The following ANO1 variants were observed in gnomAD, a reference collection of about 807,000 sequenced individuals.
ANO1 encodes anoctamin-1.
In ANO1, 59 loss-of-function variants were observed where a neutral mutation model predicts 124.0. That is an observed-to-expected ratio of 0.48 (90% confidence interval 0.39 to 0.59). The LOEUF is 0.59. Ranked by LOEUF, ANO1 falls within the 20% of genes least tolerant of loss-of-function variation. The probability of loss-of-function intolerance (pLI) is 0.00; values close to 1 mark genes in which losing one functional copy is unlikely to be tolerated. For missense variants in ANO1, 1,059 were observed against 1,328.0 expected (o/e 0.80, Z 3.15); for synonymous variants, 529 against 532.0 (o/e 0.99, Z 0.08).
intron 21 of ANO1, among the ~76,000 whole-genome samples, chr11:70,168,514 C>T (rs900611178): frequency 6.6e-6 from 1 of 152,140 alleles, no homozygotes; most frequent in Non-Finnish European, 1.5e-5. Flanking sequence ...CAGCCTCACC[C>T]TCTCTTGTTC....
chr11:70,073,757 A>C (rs1555009656), upstream of ANO1, among the ~76,000 whole-genome samples: 1 of 152,140 alleles, frequency 6.6e-6, no homozygotes, highest in Non-Finnish European at 1.5e-5. Flanking sequence ...TTGTGTTCAC[A>C]AAACACATTA....
At chr11:70,103,309 A>G (rs1322877227) in intron 3 of ANO1, 145 bp downstream of exon 3, 2 of 653,038 alleles carry the variant, frequency 3.1e-6, no homozygotes, top group Non-Finnish European at 5.3e-6. Flanking sequence ...TGCAAAGACC[A>G]TGTGGCTCGA....
intron 1 of ANO1, among the ~76,000 whole-genome samples, chr11:70,008,071 C>A (rs571763433): frequency 1.8e-4 from 27 of 152,108 alleles, no homozygotes; most frequent in Admixed American, 7.9e-4. Flanking sequence ...AGAGAAATGT[C>A]TATTAATTCT....
At chr11:69,994,168 TG>T (rs1298022968) in intron 1 of ANO1, among the ~76,000 whole-genome samples, 1 of 151,824 alleles carries the variant, frequency 6.6e-6, no homozygotes, top group Non-Finnish European at 1.5e-5. Context: ...GCATCACCTC[TG>T]GGGTTCAGGA....
chr11:70,058,908 G>C (rs539928075), intron 1 of ANO1, among the ~76,000 whole-genome samples: 1 of 152,254 alleles, frequency 6.6e-6, no homozygotes, highest in South Asian at 2.1e-4. Context: ...TGTCCGCCGA[G>C]TGCGGTGGCT....
At chr11:70,093,504 G>A (rs940172477) in intron 2 of ANO1, among the ~76,000 whole-genome samples, 3 of 152,204 alleles carry the variant, frequency 2.0e-5, no homozygotes, top group African/African-American at 4.8e-5. Context: ...TGCGGAGAAC[G>A]CCACACACTA....
intron 1 of ANO1, among the ~76,000 whole-genome samples, chr11:70,007,758 T>G (rs1433502272): frequency 6.6e-6 from 1 of 152,188 alleles, no homozygotes; most frequent in Non-Finnish European, 1.5e-5. Flanking sequence ...TTAAATTCCT[T>G]TGGGGAGACA....
chr11:70,183,513 TG>T (rs914123279), intron 24 of ANO1, among the ~76,000 whole-genome samples: 2 of 151,786 alleles, frequency 1.3e-5, no homozygotes, highest in African/African-American at 2.4e-5. Context: ...TCACAGAGAA[TG>T]GGGGGGTCCT....
At chr11:70,186,528 A>G (rs2049135897) in intron 25 of ANO1, among the ~76,000 whole-genome samples, 1 of 152,158 alleles carries the variant, frequency 6.6e-6, no homozygotes, top group Non-Finnish European at 1.5e-5. Flanking sequence ...GCCAGCAGCC[A>G]GGGGACCCAG....
intron 1 of ANO1, among the ~76,000 whole-genome samples, chr11:70,025,635 ATGG>A (rs1293681322): frequency 4.0e-5 from 6 of 150,988 alleles, no homozygotes; most frequent in African/African-American, 1.5e-4. Flanking sequence ...GGTGTTGATG[ATGG>A]TGGTGGTGGT....
At chr11:70,165,441 G>A (rs1270783981) in intron 19 of ANO1, 29 bp from the exon 20 acceptor site, 3 of 1,574,348 alleles carry the variant, frequency 1.9e-6, no homozygotes, top group African/African-American at 1.4e-5. Context: ...TGTCCCTGTA[G>A]CGTGGCTGAT....
At chr11:70,060,645 G>C (rs1017342867) in intron 1 of ANO1, among the ~76,000 whole-genome samples, 2 of 152,230 alleles carry the variant, frequency 1.3e-5, no homozygotes, top group South Asian at 4.1e-4. Flanking sequence ...TGTGAGAACT[G>C]TAAAGGGTAA....
chr11:70,054,917 C>T (rs1241787146), intron 1 of ANO1, among the ~76,000 whole-genome samples: 3 of 152,214 alleles, frequency 2.0e-5, no homozygotes, highest in Non-Finnish European at 4.4e-5. Context: ...GATTTAGCTA[C>T]ATATGATGAT....
At chr11:70,145,816 A>G (rs959414322) in intron 11 of ANO1, among the ~76,000 whole-genome samples, 1 of 152,078 alleles carries the variant, frequency 6.6e-6, no homozygotes, top group Non-Finnish European at 1.5e-5. Flanking sequence ...ATGCACCTGT[A>G]GTCCCAGCTA....
intron 8 of ANO1, among the ~76,000 whole-genome samples, chr11:70,119,365 A>AAAG (rs1333288209): frequency 8.1e-6 from 1 of 122,856 alleles, no homozygotes; most frequent in Non-Finnish European, 1.7e-5. Context: ...TGGGTGGATG[A>AAAG]ATGATGGATG....
At chr11:70,180,995 A>G (rs1028967331) in intron 23 of ANO1, among the ~76,000 whole-genome samples, 4 of 152,022 alleles carry the variant, frequency 2.6e-5, no homozygotes. Context: ...CCCGGCCCTC[A>G]GCCTTCCCCA....
chr11:70,165,302 C>T, intron 19 of ANO1, 168 bp from the exon 20 acceptor site: 1 of 629,140 alleles, frequency 1.6e-6, no homozygotes, highest in Non-Finnish European at 2.8e-6. Flanking sequence ...TTTGCAAAGA[C>T]CCTTTTTGCA....
intron 1 of ANO1, among the ~76,000 whole-genome samples, chr11:70,034,575 G>A (rs555311554): frequency 6.6e-6 from 1 of 152,314 alleles, no homozygotes; most frequent in South Asian, 2.1e-4. Flanking sequence ...CTGTCCACCT[G>A]CCCTGGCATT....
chr11:70,147,417 G>T (rs1390899443), intron 11 of ANO1, among the ~76,000 whole-genome samples: 1 of 152,170 alleles, frequency 6.6e-6, no homozygotes, highest in African/African-American at 2.4e-5. Context: ...CTGGGGGTTG[G>T]GGGCCTCCTG....
Sources: gnomAD v4.1 joint callset for allele counts (sites outside exome capture counted in the v4.1 genomes callset) on GRCh38, gnomAD v4.1.1 for gene constraint, MANE v1.5 for transcripts, NCBI Gene and HGNC (gene_info 2026-07-23, HGNC 2026-07-21) for gene names.